Variants in CDC42EP4 observed in about 807,000 individuals in gnomAD.
CDC42EP4 encodes CDC42 effector protein 4.
CDC42EP4 carries 6 observed loss-of-function variants against 5.6 expected under a neutral mutation model. The ratio of observed to expected loss-of-function variants is 1.07; its 90% CI spans 0.59 to 2.12. CDC42EP4 has a LOEUF of 2.12. Among genes scored for constraint, CDC42EP4 ranks in the 30% most tolerant of loss-of-function variants. The pLI is 0.00. For missense variants in CDC42EP4, 490 were observed against 508.6 expected, an observed-to-expected ratio of 0.96 and a Z score of 0.35; for synonymous variants, 230 against 224.2, an observed-to-expected ratio of 1.03 and a Z score of -0.23.
chr17:73,286,517 G>A lies in CDC42EP4; in HGVS notation c.-17C>T, dbSNP rs757814799. On this transcript the variant is annotated 5_prime_UTR_variant, in exon 2 of 2. Transcript: ENST00000335793. This position sits in a 1 kb window ranked among gnomAD's most constrained non-coding sequence, Gnocchi z 7.7. ...GATTGGCATCTTGCTGGATGGGCGG[G>A]GAGGTGGGCCCTCCCGAGGTAGCCG... The A allele has an allele frequency of 2.6e-5, 40 of 1,563,882 alleles. No homozygotes were observed. Among genetic ancestry groups the A allele is most frequent in the Non-Finnish European group, 2.9e-5 (33 of 1,152,408 alleles).
chr17:73,309,683 A>G (rs1053731055), intron 1 of CDC42EP4: 1 of 152,362 alleles, frequency 6.6e-6, no homozygotes, highest in African/African-American at 2.4e-5. Context: ...GCAGAGCAGG[A>G]GCAAGCTGCC....
At chr17:73,290,306 G>T (rs892229474) in intron 1 of CDC42EP4, among the ~76,000 whole-genome samples, 1 of 152,204 alleles carries the variant, frequency 6.6e-6, no homozygotes, top group African/African-American at 2.4e-5. Context: ...CAGCTCTGGC[G>T]GCGGCATTGC....
chr17:73,289,032 A>G (rs1157724611), intron 1 of CDC42EP4, among the ~76,000 whole-genome samples: 1 of 152,126 alleles, frequency 6.6e-6, no homozygotes, highest in Non-Finnish European at 1.5e-5. Flanking sequence ...TCTAACTTGG[A>G]TTATCTCTGG....
intron 1 of CDC42EP4, among the ~76,000 whole-genome samples, chr17:73,290,620 A>T (rs1043490092): frequency 2.0e-5 from 3 of 152,234 alleles, no homozygotes; most frequent in African/African-American, 7.2e-5. Flanking sequence ...AAACTGCCCC[A>T]GTTGAGAAAC....
intron 1 of CDC42EP4, among the ~76,000 whole-genome samples, chr17:73,310,461 A>G (rs547602065): frequency 6.6e-6 from 1 of 151,832 alleles, no homozygotes; most frequent in African/African-American, 2.4e-5. Context: ...GGGGCTTCGC[A>G]GCGACGGGGG....
In CDC42EP4 at chr17:73,286,025, G is replaced by C; in HGVS notation, c.476C>G (p.Thr159Arg). Residue 159 changes from threonine to arginine, a missense_variant, in exon 2 of 2, where the codon ACG becomes AGG. Coordinates refer to ENST00000335793, the MANE Select transcript of CDC42EP4 (RefSeq NM_012121.5). This position sits in a 1 kb window ranked among gnomAD's most constrained non-coding sequence, Gnocchi z 7.7. Reference protein sequence around the residue: ...DGEGGDEEAGTEEAVPRRNGA... With the variant: ...DGEGGDEEAGREEAVPRRNGA... Reference sequence around the variant, plus strand: ...ATTCCGACGGGGCACTGCCTCCTCCGTGCCCGCCTCCTCATCGCCGCCCTC... The same window carrying C: ...ATTCCGACGGGGCACTGCCTCCTCCCTGCCCGCCTCCTCATCGCCGCCCTC... The C allele has an allele frequency of 1.2e-6, 2 of 1,613,700 alleles. No homozygotes were observed. The highest frequency in any genetic ancestry group is 1.7e-6 in the Non-Finnish European group (2 of 1,179,988).
chr17:73,301,047 CAAAAAAATTA>C (rs2062217069), intron 1 of CDC42EP4, among the ~76,000 whole-genome samples: 1 of 131,214 alleles, frequency 7.6e-6, no homozygotes, highest in Non-Finnish European at 1.6e-5. Context: ...AACTCCGTCT[CAAAAAAATTA>C]AAAAAAAAAA....
intron 1 of CDC42EP4, among the ~76,000 whole-genome samples, chr17:73,308,108 C>T (rs1264737494): frequency 2.0e-5 from 3 of 152,174 alleles, no homozygotes; most frequent in African/African-American, 7.2e-5. Context: ...CACATGCGGG[C>T]TCCTTCCAGC....
chr17:73,285,606 T>G lies in CDC42EP4; in HGVS notation c.895A>C (p.Met299Leu). ...CTGTCCCGTGTGGTGTGGCTGCCCATGCTGCGGGCTGAGCCGGGGCTGGGG... is the reference window on the plus strand; with the variant it reads ...CTGTCCCGTGTGGTGTGGCTGCCCAGGCTGCGGGCTGAGCCGGGGCTGGGG... ...AAPSPGSARS[M>L]GSHTTRDSSS... Residue 299 changes from methionine to leucine, a missense_variant, in exon 2 of 2, where the codon ATG becomes CTG. By Grantham distance (15) the Met-to-Leu change is conservative (BLOSUM62 2). Coordinates refer to ENST00000335793, the MANE Select transcript of CDC42EP4 (RefSeq NM_012121.5). The surrounding 1 kb of genome is among the most constrained non-coding windows in gnomAD (Gnocchi z 6.8). 1 of 1,608,148 alleles carries G rather than the reference T, an allele frequency of 6.2e-7. No homozygotes were observed. Among genetic ancestry groups the G allele is most frequent in the Non-Finnish European group, 8.5e-7 (1 of 1,177,326 alleles).
At chr17:73,294,427 C>T (rs904348803) in intron 1 of CDC42EP4, among the ~76,000 whole-genome samples, 2 of 152,090 alleles carry the variant, frequency 1.3e-5, no homozygotes, top group Non-Finnish European at 2.9e-5. Context: ...GACTCCTGTA[C>T]CATTTATGTA....
intron 1 of CDC42EP4, among the ~76,000 whole-genome samples, chr17:73,297,905 C>T (rs369294673): frequency 5.3e-5 from 8 of 151,846 alleles, no homozygotes; most frequent in African/African-American, 1.2e-4. Flanking sequence ...GCAATCCACC[C>T]GCCTCAGCCT....
At chr17:73,306,324 T>C (rs1334201794) in intron 1 of CDC42EP4, among the ~76,000 whole-genome samples, 1 of 142,510 alleles carries the variant, frequency 7.0e-6, no homozygotes, top group Non-Finnish European at 1.5e-5. Context: ...AGTGAGACCC[T>C]GTCTCTAAAA....
intron 1 of CDC42EP4, among the ~76,000 whole-genome samples, chr17:73,289,353 A>G (rs957376744): frequency 1.2e-4 from 19 of 152,300 alleles, no homozygotes; most frequent in African/African-American, 4.6e-4. Flanking sequence ...AAAAAAAGAA[A>G]GAAAGGAGCC....
chr17:73,299,107 A>G (rs2062203554), intron 1 of CDC42EP4, among the ~76,000 whole-genome samples: 1 of 151,950 alleles, frequency 6.6e-6, no homozygotes, highest in South Asian at 2.1e-4. Flanking sequence ...ACAGGTGGGC[A>G]CCACCATGCC....
chr17:73,285,352 T>G lies in CDC42EP4; in HGVS notation c.*78A>C. On this transcript the variant is annotated 3_prime_UTR_variant, in exon 2 of 2. Coordinates refer to ENST00000335793, the MANE Select transcript of CDC42EP4 (RefSeq NM_012121.5). The surrounding 1 kb of genome is among the most constrained non-coding windows in gnomAD (Gnocchi z 6.8). ...AAGGGTCCTGGCTGCCCCTGCGCCGTAGGGTCAAAGGTCATAGTGGGGTGG... is the reference window on the plus strand; with the variant it reads ...AAGGGTCCTGGCTGCCCCTGCGCCGGAGGGTCAAAGGTCATAGTGGGGTGG... 4.2e-6 allele frequency: 5 copies of G among 1,183,524 alleles called. No homozygotes were observed. The highest frequency in any genetic ancestry group is 6.0e-6 in the Non-Finnish European group (5 of 837,098). 73.3% of individuals were successfully genotyped at this position (1,183,524 alleles called of 1,614,324 possible).
At chr17:73,287,085 G>A (rs1009863237) in intron 1 of CDC42EP4, among the ~76,000 whole-genome samples, 2 of 152,182 alleles carry the variant, frequency 1.3e-5, no homozygotes, top group Non-Finnish European at 2.9e-5. Context: ...TGTGGAGTTA[G>A]TGGACACCCC....
intron 1 of CDC42EP4, among the ~76,000 whole-genome samples, chr17:73,298,011 A>C (rs66555139): frequency 2.3e-4 from 33 of 146,190 alleles, no homozygotes; most frequent in African/African-American, 3.0e-4. Flanking sequence ...AAAAAAAAAA[A>C]CCCAAAGTAT....
intron 1 of CDC42EP4, among the ~76,000 whole-genome samples, chr17:73,301,562 GA>G (rs1568345009): frequency 6.6e-6 from 1 of 152,198 alleles, no homozygotes; most frequent in East Asian, 1.9e-4. Context: ...ACTATTTCCA[GA>G]TGATACATTC....
intron 1 of CDC42EP4, among the ~76,000 whole-genome samples, chr17:73,309,048 A>AAAAAAAAAAAAAAT (rs2062259798): frequency 1.4e-5 from 2 of 147,376 alleles, no homozygotes; most frequent in Non-Finnish European, 3.0e-5. Context: ...CAAAAAAAAA[A>AAAAAAAAAAAAAAT]AAAAAAAAAA....
Sources: gnomAD v4.1 joint callset for allele counts (sites outside exome capture counted in the v4.1 genomes callset) on GRCh38, gnomAD v4.1.1 for gene constraint, Gnocchi (gnomAD v3.1) non-coding constraint, MANE v1.5 for transcripts, NCBI Gene and HGNC (gene_info 2026-07-23, HGNC 2026-07-21) for gene names.